SLC35D2: variants seen among roughly 807,000 people sequenced by gnomAD.
The protein encoded by SLC35D2 is solute carrier family 35 member D2.
A neutral mutation model predicts 41.8 loss-of-function variants in SLC35D2; 43 were observed. The observed-to-expected ratio is 1.03, with a 90% CI of 0.81 to 1.33. The LOEUF (loss-of-function observed/expected upper bound fraction) is 1.33. Ranked by LOEUF, SLC35D2 falls within the 40% of genes most tolerant of loss-of-function variation. The probability of loss-of-function intolerance (pLI) is 0.00; values close to 1 mark genes in which losing one functional copy is unlikely to be tolerated. For synonymous variants in SLC35D2, 150 were observed against 163.9 expected (o/e 0.92, Z 0.65); for missense variants, 380 against 408.4 (o/e 0.93, Z 0.60).
At chr9:96,343,856 T>A in intron 8 of SLC35D2, 48 bp downstream of exon 8, 13 of 1,277,898 alleles carry the variant, frequency 1.0e-5, no homozygotes, top group Non-Finnish European at 1.4e-5. Flanking sequence ...AAATATTAAA[T>A]TTTTTAAAGC....
intron 9 of SLC35D2, among the ~76,000 whole-genome samples, chr9:96,328,085 C>G (rs1828631840): frequency 6.6e-6 from 1 of 152,086 alleles, no homozygotes. Context: ...CTAAAAGAAC[C>G]TTCGTTAACT....
intron 11 of SLC35D2, 35 bp from the exon 12 acceptor site, chr9:96,321,376 G>A: frequency 6.6e-7 from 1 of 1,508,666 alleles, no homozygotes; most frequent in Non-Finnish European, 9.2e-7. Flanking sequence ...ATAAATGACT[G>A]GGAATTTCAC....
chr9:96,363,866 C>T (rs1403899645), intron 3 of SLC35D2, among the ~76,000 whole-genome samples: 11 of 152,178 alleles, frequency 7.2e-5, no homozygotes, highest in Admixed American at 7.2e-4. Flanking sequence ...GATGGTCTGA[C>T]CCTTTACCAA....
At chr9:96,354,478 G>T (rs1297251546) in intron 4 of SLC35D2, among the ~76,000 whole-genome samples, 1 of 152,066 alleles carries the variant, frequency 6.6e-6, no homozygotes, top group Non-Finnish European at 1.5e-5. Context: ...ATCCAAAAAT[G>T]AAATTAGGCT....
chr9:96,364,392 T>A, intron 3 of SLC35D2, 72 bp downstream of exon 3: 1 of 933,414 alleles, frequency 1.1e-6, no homozygotes, highest in Non-Finnish European at 1.7e-6. Context: ...GTATAGAAAT[T>A]GACCTGTACT....
intron 5 of SLC35D2, 65 bp from the exon 6 acceptor site, chr9:96,351,236 AT>A: frequency 8.5e-7 from 1 of 1,181,572 alleles, no homozygotes; most frequent in Non-Finnish European, 1.2e-6. Context: ...ATATGATTAT[AT>A]TTTTTAAACA....
At chr9:96,349,448 C>T (rs531727328) in intron 6 of SLC35D2, among the ~76,000 whole-genome samples, 41 of 152,240 alleles carry the variant, frequency 2.7e-4, no homozygotes, top group Non-Finnish European at 5.1e-4. Flanking sequence ...ACTGGGTGGC[C>T]GCTCTCCCGT....
intron 3 of SLC35D2, among the ~76,000 whole-genome samples, chr9:96,360,628 C>CAAAAAAAAA (rs906000581): frequency 6.4e-5 from 1 of 15,698 alleles, no homozygotes; most frequent in Non-Finnish European, 1.3e-4. Context: ...GACTTCATCT[C>CAAAAAAAAA]AAAAAAAAAA....
intron 2 of SLC35D2, 91 bp from the exon 3 acceptor site, chr9:96,364,641 A>G (rs1830406772): frequency 1.3e-6 from 1 of 764,928 alleles, no homozygotes; most frequent in Non-Finnish European, 2.3e-6. Flanking sequence ...CACATTCATC[A>G]AAAAGAAATA....
intron 2 of SLC35D2, among the ~76,000 whole-genome samples, chr9:96,367,758 G>C (rs1404341673): frequency 6.6e-6 from 1 of 151,750 alleles, no homozygotes; most frequent in African/African-American, 2.4e-5. Context: ...CTCCAGTCTG[G>C]GCGACAAGAA....
chr9:96,346,367 T>C (rs1282592244), intron 6 of SLC35D2, among the ~76,000 whole-genome samples: 1 of 152,144 alleles, frequency 6.6e-6, no homozygotes, highest in African/African-American at 2.4e-5. Context: ...CTAGGAAACC[T>C]ATGGTGGAAA....
intron 4 of SLC35D2, among the ~76,000 whole-genome samples, chr9:96,354,735 C>A (rs1829946779): frequency 8.7e-6 from 1 of 115,130 alleles, no homozygotes; most frequent in Admixed American, 1.3e-4. Flanking sequence ...CCACTACACT[C>A]TAGCCTGGGC....
chr9:96,340,400 C>T (rs985654267), intron 8 of SLC35D2, among the ~76,000 whole-genome samples: 9 of 151,776 alleles, frequency 5.9e-5, no homozygotes, highest in African/African-American at 1.9e-4. Flanking sequence ...GGGCAGATCA[C>T]GAGGTCAGGA....
chr9:96,370,177 G>C (rs1174879747), intron 1 of SLC35D2, among the ~76,000 whole-genome samples: 1 of 152,152 alleles, frequency 6.6e-6, no homozygotes, highest in Non-Finnish European at 1.5e-5. Context: ...TGCAGAGCCA[G>C]TACAACTCAA....
chr9:96,342,489 G>A (rs1481087371), intron 8 of SLC35D2, among the ~76,000 whole-genome samples: 1 of 152,132 alleles, frequency 6.6e-6, no homozygotes, highest in Non-Finnish European at 1.5e-5. Context: ...AAAATTGATT[G>A]ATGGTAGCTG....
chr9:96,328,836 A>G (rs1235887868), intron 9 of SLC35D2, among the ~76,000 whole-genome samples: 1 of 152,152 alleles, frequency 6.6e-6, no homozygotes, highest in African/African-American at 2.4e-5. Context: ...AATTCCAAGG[A>G]ACCCCATCCT....
intron 8 of SLC35D2, among the ~76,000 whole-genome samples, chr9:96,341,816 G>A (rs1186783604): frequency 6.6e-6 from 1 of 152,048 alleles, no homozygotes; most frequent in Non-Finnish European, 1.5e-5. Flanking sequence ...TACTCATAAA[G>A]AACCTAAAAT....
chr9:96,344,506 C>T (rs1200287711), intron 7 of SLC35D2, among the ~76,000 whole-genome samples: 5 of 53,272 alleles, frequency 9.4e-5, no homozygotes, highest in African/African-American at 4.4e-4. Flanking sequence ...AAACTTCTAC[C>T]GTTAAAAAAA....
intron 6 of SLC35D2, among the ~76,000 whole-genome samples, chr9:96,349,521 T>C: frequency 6.6e-6 from 1 of 151,356 alleles, no homozygotes; most frequent in African/African-American, 2.5e-5. Flanking sequence ...AATCTGCTCT[T>C]TTGTCAGTTC....
Sources: allele counts gnomAD v4.1 joint callset (sites outside exome capture counted in the v4.1 genomes callset), GRCh38; gene constraint gnomAD v4.1.1; transcripts MANE v1.5; gene names NCBI Gene and HGNC (gene_info 2026-07-23, HGNC 2026-07-21).